SPECC1: variants seen among roughly 807,000 people sequenced by gnomAD.
The protein encoded by SPECC1 is cytospin-B.
A neutral mutation model predicts 104.1 loss-of-function variants in SPECC1; 62 were observed. The ratio of observed to expected loss-of-function variants is 0.60; its 90% confidence interval spans 0.49 to 0.74. The LOEUF is 0.74. SPECC1 is among the 30% of genes least tolerant of loss of function. The probability of loss-of-function intolerance (pLI) is 0.00; values close to 1 mark genes in which losing one functional copy is unlikely to be tolerated. For synonymous variants in SPECC1, 513 were observed against 501.6 expected (o/e 1.02, Z -0.30); for missense variants, 1,306 against 1,310.5 (o/e 1.00, Z 0.05).
At chr17:20,083,597 G>C (rs1018092345) in intron 1 of SPECC1, among the ~76,000 whole-genome samples, 3 of 151,924 alleles carry the variant, frequency 2.0e-5, no homozygotes, top group African/African-American at 7.3e-5. Flanking sequence ...CTATTGCTGA[G>C]TACTAGTCTA....
rs975255360 is a variant in SPECC1 at position 20,096,872 on chromosome 17, A to G, written c.147+74A>G. On this transcript the variant is annotated intron_variant, in intron 2 of 14. Transcript: ENST00000395527. ...GTTGGGAGGATTGAAGAGGGCAGTA[A>G]GCAAACCAGTGGCCTCTCGGGGCAG... 2.5e-5 allele frequency: 38 copies of G among 1,535,154 alleles called. No individual in the cohort carries two copies. In the African/African-American group the frequency reaches 5.1e-4, roughly 21 times the overall value.
At chr17:20,077,456 T>G (rs566891381) in intron 1 of SPECC1, among the ~76,000 whole-genome samples, 1 of 149,514 alleles carries the variant, frequency 6.7e-6, no homozygotes, top group East Asian at 1.9e-4. Context: ...TGGCTTTTTT[T>G]TGTTTGTTTG....
chr17:20,080,169 G>A (rs1480578323), intron 1 of SPECC1, among the ~76,000 whole-genome samples: 1 of 152,184 alleles, frequency 6.6e-6, no homozygotes, highest in Non-Finnish European at 1.5e-5. Context: ...TAGGATGATA[G>A]GTAATGAAGG....
At chr17:20,197,970 G>A (rs2036147912) in intron 3 of SPECC1, among the ~76,000 whole-genome samples, 1 of 152,184 alleles carries the variant, frequency 6.6e-6, no homozygotes, top group African/African-American at 2.4e-5. Flanking sequence ...TAGAGAGTGA[G>A]AAGCTAGAAA....
At chr17:20,041,294 G>A (rs1044200257) in intron 1 of SPECC1, among the ~76,000 whole-genome samples, 1 of 152,086 alleles carries the variant, frequency 6.6e-6, no homozygotes, top group Non-Finnish European at 1.5e-5. Flanking sequence ...GGAGTGCAAT[G>A]TGCAATGGCG....
chr17:20,113,448 G>C (rs1267541636), intron 3 of SPECC1, among the ~76,000 whole-genome samples: 1 of 152,022 alleles, frequency 6.6e-6, no homozygotes, highest in South Asian at 2.1e-4. Context: ...ACTTGGAAAA[G>C]GTTGTTCAGG....
At chr17:20,261,644 A>G (rs1490417945) in intron 12 of SPECC1, among the ~76,000 whole-genome samples, 1 of 152,208 alleles carries the variant, frequency 6.6e-6, no homozygotes, top group East Asian at 1.9e-4. Flanking sequence ...TTGGGCCTCC[A>G]AAACTTCTCC....
intron 3 of SPECC1, among the ~76,000 whole-genome samples, chr17:20,151,802 AC>A (rs2032029272): frequency 6.7e-6 from 1 of 148,468 alleles, no homozygotes; most frequent in African/African-American, 2.5e-5. Context: ...TAATCCCAGC[AC>A]TTTGGGAGGC....
chr17:20,075,865 T>C (rs1365307468), intron 1 of SPECC1, among the ~76,000 whole-genome samples: 1 of 152,170 alleles, frequency 6.6e-6, no homozygotes, highest in Non-Finnish European at 1.5e-5. Flanking sequence ...GAAGATCGCT[T>C]GAAATCAGGA....
chr17:20,121,756 A>G (rs779581791), intron 3 of SPECC1, among the ~76,000 whole-genome samples: 1 of 152,210 alleles, frequency 6.6e-6, no homozygotes, highest in Non-Finnish European at 1.5e-5. Context: ...TGCCTGCCCC[A>G]GGGTCAAGTG....
At chr17:20,125,667 T>G (rs1311218399) in intron 3 of SPECC1, among the ~76,000 whole-genome samples, 1 of 152,234 alleles carries the variant, frequency 6.6e-6, no homozygotes, top group Non-Finnish European at 1.5e-5. Context: ...CATAGTATCC[T>G]TCAGGTTCAT....
intron 3 of SPECC1, among the ~76,000 whole-genome samples, chr17:20,177,247 G>A (rs532255317): frequency 1.3e-5 from 2 of 152,204 alleles, no homozygotes; most frequent in Non-Finnish European, 2.9e-5. Flanking sequence ...GAGGAGAGTG[G>A]TAGGCAAAGA....
chr17:20,073,212 C>T (rs1322484730), intron 1 of SPECC1, among the ~76,000 whole-genome samples: 2 of 152,136 alleles, frequency 1.3e-5, no homozygotes, highest in South Asian at 2.1e-4. Context: ...CCCCTTCCCA[C>T]CTAGAACTCA....
intron 12 of SPECC1, among the ~76,000 whole-genome samples, chr17:20,280,722 T>A (rs2151668774): frequency 6.6e-6 from 1 of 152,306 alleles, no homozygotes; most frequent in Admixed American, 6.5e-5. Context: ...TTTAACTAAT[T>A]TAAACAGCCA....
rs1219385789 is a variant in SPECC1 at position 20,205,633 on chromosome 17, T to C, written c.1584T>C (p.His528=). 1.2e-6 allele frequency: 2 copies of C among 1,613,862 alleles called. No homozygotes were observed. The highest frequency in any genetic ancestry group is 1.7e-5 in the Admixed American group (1 of 59,992). Residue 528 remains histidine, a synonymous_variant, in exon 4 of 15, where the codon CAT becomes CAC. Coordinates refer to ENST00000395527, the MANE Select transcript of SPECC1 (RefSeq NM_001243439.2). ...KLNEFLELER[H]NNNMMAKTLE... ...ATGAGTTTCTAGAACTGGAACGGCA[T>C]AATAATAACATGATGGCCAAAACTT...
chr17:20,070,653 A>G (rs1227682881), intron 1 of SPECC1, among the ~76,000 whole-genome samples: 1 of 151,990 alleles, frequency 6.6e-6, no homozygotes, highest in African/African-American at 2.4e-5. Flanking sequence ...TTTTCTTGCC[A>G]TTGTTGTTGT....
chr17:20,300,686 G>C (rs1433975737), intron 13 of SPECC1, among the ~76,000 whole-genome samples: 3 of 152,272 alleles, frequency 2.0e-5, no homozygotes, highest in African/African-American at 4.8e-5. Context: ...GAGCGCAGAG[G>C]CTCCGCCAGC....
intron 3 of SPECC1, among the ~76,000 whole-genome samples, chr17:20,158,780 A>T (rs2032852261): frequency 1.3e-5 from 2 of 152,024 alleles, no homozygotes; most frequent in African/African-American, 2.4e-5. Context: ...TTGTTTTTTG[A>T]GACAAGGTCT....
intron 7 of SPECC1, among the ~76,000 whole-genome samples, chr17:20,240,137 G>A (rs114359575): frequency 0.041 from 5,150 of 125,718 alleles, 307 homozygotes; most frequent in African/African-American, 0.14. Flanking sequence ...GACTGGTATC[G>A]AACTCCTGGG....
Sources: gnomAD v4.1 joint callset for allele counts (sites outside exome capture counted in the v4.1 genomes callset) on GRCh38, gnomAD v4.1.1 for gene constraint, MANE v1.5 for transcripts, NCBI Gene and HGNC (gene_info 2026-07-23, HGNC 2026-07-21) for gene names.